The following NDST4 variants were observed in gnomAD, a reference collection of about 807,000 sequenced individuals.
NDST4 encodes N-heparan sulfate sulfotransferase 4.
Under a neutral mutation model 100.8 loss-of-function variants are expected in NDST4, and 63 were observed. That is an observed-to-expected ratio of 0.62 (90% CI 0.51 to 0.77). The LOEUF is 0.77. NDST4 is among the 30% of genes least tolerant of loss of function. NDST4 has a pLI of 0.00. For synonymous variants in NDST4, 377 were observed against 361.8 expected (o/e 1.04, Z -0.48); for missense variants, 943 against 1,018.4 (o/e 0.93, Z 1.01).
At chr4:114,974,713 G>A (rs1026212793) in intron 3 of NDST4, among the ~76,000 whole-genome samples, 25 of 152,046 alleles carry the variant, frequency 1.6e-4, no homozygotes, top group African/African-American at 6.0e-4. Context: ...TTTGGCACCT[G>A]TGGGTGAATG....
In NDST4 at chr4:114,852,737, GA is replaced by G; in HGVS notation, c.1803del (p.Pro602HisfsTer44). 6.2e-7 allele frequency: 1 copy of G among 1,605,426 alleles called. No homozygotes were observed. Among genetic ancestry groups the G allele is most frequent in the South Asian group, 1.1e-5 (1 of 90,528 alleles). Reference protein sequence around the residue: ...CDHLPKFLVIGPQKTGTTALY... With the variant: ...CDHLPKFLVIXPQKTGTTALY... ...TGGCTATTTTTACCTGTTTTTTGTGGACCAATTACTAGAAATTTTGGTAAGT... is the reference window on the plus strand; with the variant it reads ...TGGCTATTTTTACCTGTTTTTTGTGGCCAATTACTAGAAATTTTGGTAAGT... On this transcript the variant is annotated frameshift_variant, in exon 8 of 14. Coordinates refer to ENST00000264363, the MANE Select transcript of NDST4 (RefSeq NM_022569.3). LOFTEE classifies it high-confidence loss of function.
At chr4:114,947,360 A>G (rs1725889047) in intron 4 of NDST4, among the ~76,000 whole-genome samples, 1 of 152,176 alleles carries the variant, frequency 6.6e-6, no homozygotes, top group African/African-American at 2.4e-5. Context: ...ATAAGGAGGA[A>G]AGCAAGCGCC....
intron 1 of NDST4, among the ~76,000 whole-genome samples, chr4:115,102,308 G>A (rs537879405): frequency 6.6e-5 from 10 of 152,052 alleles, no homozygotes; most frequent in Middle Eastern, 3.4e-3. Context: ...AGAGACAAGT[G>A]AATGAAACCA....
intron 2 of NDST4, among the ~76,000 whole-genome samples, chr4:115,058,101 G>GA (rs1241365913): frequency 9.2e-5 from 14 of 152,032 alleles, no homozygotes; most frequent in African/African-American, 3.4e-4. Flanking sequence ...AAAACATCCA[G>GA]AAAGTATTTA....
chr4:114,872,188 A>G (rs551872956), intron 6 of NDST4, among the ~76,000 whole-genome samples: 1 of 152,120 alleles, frequency 6.6e-6, no homozygotes, highest in African/African-American at 2.4e-5. Context: ...ATGATCTAAT[A>G]TGTCACTGGA....
chr4:115,055,382 T>C (rs113528613), intron 2 of NDST4, among the ~76,000 whole-genome samples: 194 of 152,272 alleles, frequency 1.3e-3, no homozygotes, highest in African/African-American at 4.0e-3. Context: ...TCCATGAAAC[T>C]GGTCCCTGGT....
intron 6 of NDST4, among the ~76,000 whole-genome samples, chr4:114,904,806 C>G (rs1174793777): frequency 6.6e-6 from 1 of 151,890 alleles, no homozygotes; most frequent in Admixed American, 6.6e-5. Context: ...ATTCTCTTCT[C>G]TAATTACTGT....
chr4:114,867,681 A>AAAAAAAAAAAAAAAAAC (rs1724063406), intron 7 of NDST4, among the ~76,000 whole-genome samples: 1 of 144,376 alleles, frequency 6.9e-6, no homozygotes, highest in African/African-American at 2.6e-5. Flanking sequence ...AAAAAAAAAA[A>AAAAAAAAAAAAAAAAAC]AGAAAGAAAA....
Position 114,999,304 on chromosome 4 carries a change from T to C in NDST4, c.979-22030A>G, listed in dbSNP as rs151008834. ...TTGTAGGAGCTCTAGATTTGTATCC[T>C]GGTCCGCTGTGTACTAGTGGTGTGA... On this transcript the variant is annotated intron_variant, in intron 2 of 13. Transcript: ENST00000264363. Among the ~76,000 whole-genome samples the C allele has an allele frequency of 4.5e-3, 691 of 152,204 alleles. 3 individuals are homozygous for C. Among genetic ancestry groups the C allele is most frequent in the Non-Finnish European group, 6.9e-3 (468 of 67,996 alleles).
At chr4:114,878,301 C>G (rs1724298639) in intron 6 of NDST4, among the ~76,000 whole-genome samples, 1 of 152,178 alleles carries the variant, frequency 6.6e-6, no homozygotes, top group South Asian at 2.1e-4. Flanking sequence ...TAATTAATCA[C>G]TAATCCTAGT....
intron 2 of NDST4, among the ~76,000 whole-genome samples, chr4:115,021,079 G>T (rs1326864176): frequency 6.6e-6 from 1 of 152,094 alleles, no homozygotes; most frequent in Non-Finnish European, 1.5e-5. Flanking sequence ...CAGAGGAAAA[G>T]AAGTCATTAT....
At chr4:114,885,697 TC>T (rs1374863913) in intron 6 of NDST4, among the ~76,000 whole-genome samples, 4 of 152,262 alleles carry the variant, frequency 2.6e-5, no homozygotes, top group Admixed American at 2.6e-4. Flanking sequence ...TGGATTTTTT[TC>T]TTTCTCTTCT....
chr4:114,839,725 TAATGA>T (rs1199156760), intron 10 of NDST4, among the ~76,000 whole-genome samples, 177 bp from the exon 11 acceptor site: 1 of 152,180 alleles, frequency 6.6e-6, no homozygotes, highest in Non-Finnish European at 1.5e-5. Context: ...GAAAATAAAC[TAATGA>T]AATGAAATAG....
At chr4:114,891,304 G>A (rs1036259867) in intron 6 of NDST4, among the ~76,000 whole-genome samples, 1 of 151,714 alleles carries the variant, frequency 6.6e-6, no homozygotes, top group East Asian at 1.9e-4. Context: ...TTCCATTCCT[G>A]TCTTAAAGTA....
intron 9 of NDST4, 107 bp downstream of exon 9, chr4:114,848,108 G>A (rs1182839640): frequency 2.2e-6 from 2 of 928,108 alleles, no homozygotes; most frequent in Non-Finnish European, 3.2e-6. Context: ...ATTCACTGTG[G>A]TGAATTTATC....
At chr4:114,848,174 A>C in intron 9 of NDST4, 41 bp downstream of exon 9, 1 of 1,538,652 alleles carries the variant, frequency 6.5e-7, no homozygotes, top group Non-Finnish European at 8.8e-7. Context: ...GTGATTGAGC[A>C]TGTGTTAATA....
intron 2 of NDST4, among the ~76,000 whole-genome samples, chr4:115,026,407 CAT>C (rs893363195): frequency 1.7e-5 from 2 of 117,594 alleles, no homozygotes; most frequent in Admixed American, 9.2e-5. Flanking sequence ...AACATTTTCT[CAT>C]AGTCTTATTT....
chr4:114,901,686 A>G (rs1217158973), intron 6 of NDST4, among the ~76,000 whole-genome samples: 1 of 151,012 alleles, frequency 6.6e-6, no homozygotes, highest in Non-Finnish European at 1.5e-5. Context: ...GCTTTGTGTT[A>G]CCTATTTTCT....
chr4:114,934,995 A>G (rs1274172552), intron 6 of NDST4: 5 of 278,120 alleles, frequency 1.8e-5, no homozygotes, highest in Admixed American at 5.3e-5. Flanking sequence ...ATTACAAAGT[A>G]AAAACCATGA....
Sources: gnomAD v4.1 joint callset for allele counts (sites outside exome capture counted in the v4.1 genomes callset) on GRCh38, gnomAD v4.1.1 for gene constraint, MANE v1.5 for transcripts, NCBI Gene and HGNC (gene_info 2026-07-23, HGNC 2026-07-21) for gene names.